The following RORB variants were observed in gnomAD, a reference collection of about 807,000 sequenced individuals.
RORB encodes the protein RAR related orphan receptor B.
In RORB, 6 loss-of-function variants were observed where a neutral mutation model predicts 59.1. The ratio of observed to expected loss-of-function variants is 0.10; its 90% CI spans 0.06 to 0.20. RORB has a LOEUF of 0.20. Ranked by LOEUF, RORB falls within the 10% of genes least tolerant of loss-of-function variation. The pLI is 1.00. For missense variants in RORB, 320 were observed against 560.5 expected (o/e 0.57, Z 4.33); for synonymous variants, 215 against 204.5 (o/e 1.05, Z -0.44).
At chr9:74,553,589 TA>T in intron 1 of RORB, among the ~76,000 whole-genome samples, 1 of 152,032 alleles carries the variant, frequency 6.6e-6, no homozygotes. Flanking sequence ...ATGCAAGGAG[TA>T]AATGGATTCA....
intron 7 of RORB, among the ~76,000 whole-genome samples, chr9:74,667,011 G>T (rs1030375144): frequency 5.9e-5 from 9 of 152,194 alleles, no homozygotes; most frequent in African/African-American, 2.2e-4. Flanking sequence ...GTCCATCGGG[G>T]CTGGCAATGT....
At chr9:74,498,636 G>C (rs1219509304) in intron 1 of RORB, 1 of 152,514 alleles carries the variant, frequency 6.6e-6, no homozygotes, top group Non-Finnish European at 1.5e-5. Context: ...TCGTGCCCGA[G>C]CCCGCGCGGC....
chr9:74,685,126 TC>T (rs2118582538), intron 9 of RORB, among the ~76,000 whole-genome samples: 1 of 152,188 alleles, frequency 6.6e-6, no homozygotes, highest in East Asian at 1.9e-4. Flanking sequence ...ATTACTAAGC[TC>T]TTTTGGAACT....
chr9:74,586,600 CGTGTGTGTGTGTGTGTGT>C (rs1313500289), intron 1 of RORB, among the ~76,000 whole-genome samples: 1 of 141,198 alleles, frequency 7.1e-6, no homozygotes, highest in South Asian at 2.4e-4. Context: ...ATGTAATGTC[CGTGTGTGTGTGTGTGTGT>C]GTGTGTGTGT....
intron 3 of RORB, among the ~76,000 whole-genome samples, chr9:74,642,048 A>C (rs1284363878): frequency 6.6e-6 from 1 of 152,226 alleles, no homozygotes; most frequent in East Asian, 1.9e-4. Flanking sequence ...GTGTTGGTTA[A>C]CATTTTAATA....
At chr9:74,624,947 A>C (rs901000281) in intron 1 of RORB, among the ~76,000 whole-genome samples, 1 of 152,222 alleles carries the variant, frequency 6.6e-6, no homozygotes, top group Non-Finnish European at 1.5e-5. Context: ...TAACAGGTGA[A>C]TCCAATGTCC....
chr9:74,566,732 G>C (rs1822475460), intron 1 of RORB, among the ~76,000 whole-genome samples: 2 of 152,204 alleles, frequency 1.3e-5, no homozygotes, highest in Admixed American at 1.3e-4. Context: ...AGGAGGTGGA[G>C]GTTGCAGTGA....
intron 1 of RORB, among the ~76,000 whole-genome samples, chr9:74,580,898 A>C (rs929155844): frequency 2.0e-5 from 3 of 152,172 alleles, no homozygotes; most frequent in Admixed American, 6.5e-5. Flanking sequence ...CAAATAAATA[A>C]GGGGAAGTCA....
intron 1 of RORB, among the ~76,000 whole-genome samples, chr9:74,539,103 A>G (rs1055843356): frequency 1.2e-4 from 19 of 152,196 alleles, no homozygotes; most frequent in African/African-American, 4.6e-4. Flanking sequence ...TTCATTTTCT[A>G]TGAAGGTTAG....
rs1279369353 is a variant in RORB at position 74,579,481 on chromosome 9, G to T, written c.8-50801G>T. On this transcript the variant is annotated intron_variant, in intron 1 of 9. Transcript: ENST00000376896. ...ACAACAGAATTAAATGAATTCTGAGGGGTGGGTCAGTTTTTTTTCTCCTGG... is the reference window on the plus strand; with the variant it reads ...ACAACAGAATTAAATGAATTCTGAGTGGTGGGTCAGTTTTTTTTCTCCTGG... 3.3e-5 allele frequency among the ~76,000 whole-genome samples: 5 copies of T among 152,026 alleles called. No homozygotes were observed. The East Asian group carries it at 9.6e-4, about 29-fold the overall frequency.
intron 1 of RORB, among the ~76,000 whole-genome samples, chr9:74,584,573 C>T (rs552249390): frequency 6.6e-6 from 1 of 152,100 alleles, no homozygotes; most frequent in Non-Finnish European, 1.5e-5. Flanking sequence ...TTCACCATGC[C>T]GTTTATTGCA....
chr9:74,607,600 TTA>T (rs5898366), intron 1 of RORB, among the ~76,000 whole-genome samples: 8 of 150,898 alleles, frequency 5.3e-5, no homozygotes, highest in Admixed American at 4.6e-4. Flanking sequence ...ATATATTTAT[TTA>T]TATATATACA....
chr9:74,616,280 A>G (rs570905251), intron 1 of RORB, among the ~76,000 whole-genome samples: 8 of 152,188 alleles, frequency 5.3e-5, no homozygotes, highest in Non-Finnish European at 1.2e-4. Flanking sequence ...CCTTGCTAGT[A>G]CTAGATAGCA....
In RORB at chr9:74,502,876, G is replaced by A. The variant is rs747887588; in HGVS notation, c.7+4893G>A. The stretch of plus-strand genomic sequence containing the variant: ...GTGAGTGCAAAAGTTATTAGTGATT[G>A]AGGTGACATTTTAATAATATGAGGA... On this transcript the variant is annotated intron_variant, in intron 1 of 9. Transcript: ENST00000376896. 7.4e-4 allele frequency among the ~76,000 whole-genome samples: 113 copies of A among 151,948 alleles called. 2 individuals carry two copies. The highest frequency in any genetic ancestry group is 2.5e-4 in the Non-Finnish European group (17 of 67,890).
chr9:74,615,141 A>C (rs1258469587), intron 1 of RORB, among the ~76,000 whole-genome samples: 1 of 152,260 alleles, frequency 6.6e-6, no homozygotes, highest in Non-Finnish European at 1.5e-5. Context: ...TCTTTCATCC[A>C]AAATAATTTG....
rs913602414 is a variant in RORB at position 74,560,836 on chromosome 9, G to A, written c.7+62853G>A. On this transcript the variant is annotated intron_variant, in intron 1 of 9. Coordinates refer to ENST00000376896, the MANE Select transcript of RORB (RefSeq NM_006914.4). ...CACATAAATGGTTCTTTCCTACAACGACGTGGGTTTCTGTTTCTCTTACAT... is the reference window on the plus strand; with the variant it reads ...CACATAAATGGTTCTTTCCTACAACAACGTGGGTTTCTGTTTCTCTTACAT... 7.9e-5 allele frequency among the ~76,000 whole-genome samples: 12 copies of A among 151,984 alleles called. No homozygotes were observed. The South Asian group carries it at 1.7e-3, about 21-fold the overall frequency.
chr9:74,543,599 G>T (rs145784086), intron 1 of RORB, among the ~76,000 whole-genome samples: 4 of 144,314 alleles, frequency 2.8e-5, no homozygotes, highest in African/African-American at 9.7e-5. Flanking sequence ...CAAGGAATTT[G>T]AGTTTAATTT....
intron 1 of RORB, among the ~76,000 whole-genome samples, chr9:74,614,616 G>T (rs1823280634): frequency 2.0e-5 from 3 of 152,002 alleles, no homozygotes; most frequent in South Asian, 2.1e-4. Context: ...ATAAGAAAAG[G>T]TTTGTGATAA....
At chr9:74,504,481 T>C (rs1825842355) in intron 1 of RORB, among the ~76,000 whole-genome samples, 2 of 152,150 alleles carry the variant, frequency 1.3e-5, no homozygotes, top group South Asian at 4.1e-4. Flanking sequence ...TACTCAAAAA[T>C]ATGCTCTTAT....
Sources: gnomAD v4.1 joint callset for allele counts (sites outside exome capture counted in the v4.1 genomes callset) on GRCh38, gnomAD v4.1.1 for gene constraint, MANE v1.5 for transcripts, NCBI Gene and HGNC (gene_info 2026-07-23, HGNC 2026-07-21) for gene names.